The following EFCAB13 variants were observed in gnomAD, a reference collection of about 807,000 sequenced individuals.
EFCAB13 encodes EF-hand calcium binding domain 13, also known as EF-hand calcium-binding domain-containing protein 13.
A neutral mutation model predicts 110.2 loss-of-function variants in EFCAB13; 91 were observed. The observed-to-expected ratio is 0.83, with a 90% confidence interval of 0.70 to 0.98. The LOEUF (loss-of-function observed/expected upper bound fraction) is 0.98. Ranked by LOEUF, EFCAB13 falls within the 50% of genes least tolerant of loss-of-function variation. The pLI is 0.00. For missense variants in EFCAB13, 968 were observed against 1,119.4 expected, an observed-to-expected ratio of 0.86 and a Z score of 1.93; for synonymous variants, 323 against 369.9, an observed-to-expected ratio of 0.87 and a Z score of 1.45.
intron 23 of EFCAB13, among the ~76,000 whole-genome samples, chr17:47,416,438 CTTTTA>C (rs1398976811): frequency 2.0e-5 from 3 of 151,752 alleles, no homozygotes; most frequent in Non-Finnish European, 4.4e-5. Context: ...TTTTTTTCAA[CTTTTA>C]TTTTAGATTC....
At chr17:47,390,325 TACAC>T (rs111830433) in intron 14 of EFCAB13, among the ~76,000 whole-genome samples, 134 of 150,210 alleles carry the variant, frequency 8.9e-4, no homozygotes, top group South Asian at 2.1e-3. Context: ...GTTTTTTTCA[TACAC>T]ACACACACAC....
intron 14 of EFCAB13, among the ~76,000 whole-genome samples, chr17:47,380,365 A>G (rs538077332): frequency 2.1e-4 from 32 of 152,030 alleles, no homozygotes; most frequent in Non-Finnish European, 2.6e-4. Flanking sequence ...TTTGCTGAGG[A>G]TGATGGTTTC....
intron 10 of EFCAB13, among the ~76,000 whole-genome samples, chr17:47,367,222 C>T (rs2065552019): frequency 6.6e-6 from 1 of 152,198 alleles, no homozygotes; most frequent in African/African-American, 2.4e-5. Flanking sequence ...TTTTGTCTAG[C>T]ATTTCTTTGA....
At chr17:47,427,062 T>C (rs1350060245) in intron 23 of EFCAB13, among the ~76,000 whole-genome samples, 1 of 152,146 alleles carries the variant, frequency 6.6e-6, no homozygotes, top group Admixed American at 6.5e-5. Flanking sequence ...TAGTAATGCC[T>C]ATATCATATG....
At chr17:47,366,622 T>A in intron 10 of EFCAB13, among the ~76,000 whole-genome samples, 1 of 152,216 alleles carries the variant, frequency 6.6e-6, no homozygotes, top group East Asian at 1.9e-4. Context: ...AAATAAGTGA[T>A]ACCTATGACC....
At position 47,423,608 on chromosome 17, in the gene EFCAB13, C is replaced by T. The variant is rs538428033; in HGVS notation, c.2495-6210C>T. ...GGTCCTGGGAACCCGCGACGGCCGCCGCGCGCCCCGGTCCATTGTTTCGCT... is the reference window on the plus strand; with the variant it reads ...GGTCCTGGGAACCCGCGACGGCCGCTGCGCGCCCCGGTCCATTGTTTCGCT... On this transcript the variant is annotated intron_variant, in intron 23 of 24. Transcript: ENST00000331493. 5.9e-4 allele frequency: 208 copies of T among 350,324 alleles called. 1 individual carries two copies. Among genetic ancestry groups the T allele is most frequent in the Middle Eastern group, 4.6e-3 (6 of 1,304 alleles). 21.7% of individuals were successfully genotyped at this position (350,324 alleles called of 1,614,324 possible).
chr17:47,326,691 T>G (rs1598713305), intron 3 of EFCAB13, among the ~76,000 whole-genome samples: 1 of 151,334 alleles, frequency 6.6e-6, no homozygotes, highest in Non-Finnish European at 1.5e-5. Flanking sequence ...CACAGTAGTT[T>G]AGAGGTAAAT....
intron 11 of EFCAB13, 65 bp from the exon 12 acceptor site, chr17:47,374,407 T>C: frequency 7.7e-7 from 1 of 1,306,928 alleles, no homozygotes. Flanking sequence ...GACTTAGTTG[T>C]TATTTTTGAA....
chr17:47,376,131 AATAG>A (rs1333323930), intron 12 of EFCAB13, among the ~76,000 whole-genome samples: 2 of 152,220 alleles, frequency 1.3e-5, no homozygotes, highest in African/African-American at 4.8e-5. Context: ...TATTTAATGT[AATAG>A]ATAAAATGAT....
At chr17:47,409,756 C>A in intron 21 of EFCAB13, 65 bp downstream of exon 21, 1 of 1,242,886 alleles carries the variant, frequency 8.0e-7, no homozygotes, top group South Asian at 1.2e-5. Context: ...GAATAATTGC[C>A]AAGTACCAAT....
chr17:47,360,869 G>A (rs894586635), intron 9 of EFCAB13, among the ~76,000 whole-genome samples: 2 of 151,854 alleles, frequency 1.3e-5, no homozygotes, highest in African/African-American at 4.8e-5. Flanking sequence ...CCAGCAATCT[G>A]TTTAATTTTT....
At chr17:47,434,711 A>G (rs1359772036) in intron 24 of EFCAB13, among the ~76,000 whole-genome samples, 2 of 152,210 alleles carry the variant, frequency 1.3e-5, no homozygotes, top group African/African-American at 4.8e-5. Flanking sequence ...GACCAATGGG[A>G]CAGAATAGAG....
chr17:47,390,776 A>G (rs1203385891), intron 14 of EFCAB13, among the ~76,000 whole-genome samples: 1 of 152,136 alleles, frequency 6.6e-6, no homozygotes, highest in Non-Finnish European at 1.5e-5. Context: ...AAATTGTTGA[A>G]TTAAATGGAG....
In EFCAB13 at chr17:47,412,910, G is replaced by A. The variant is rs772524172; in HGVS notation, c.2416G>A (p.Val806Ile). The A allele has an allele frequency of 2.4e-5, 38 of 1,605,392 alleles. No individual in the cohort carries two copies. Among genetic ancestry groups the A allele is most frequent in the Middle Eastern group, 1.7e-4 (1 of 6,040 alleles). The change falls in exon 22 of 25, where the codon GTC (valine) becomes ATC (isoleucine). Residue 806 changes from valine (V) to isoleucine (I), a missense_variant. Coordinates refer to ENST00000331493, the MANE Select transcript of EFCAB13 (RefSeq NM_152347.5). ...CAATGAAGCCCTTAACTGTTGTAAC[G>A]TCAGTGGTGAGCATTTTTTTGGCCT... ...DFNEALNCCN[V>I]SDNMEVDLKD...
At chr17:47,419,497 G>T (rs867426870) in intron 23 of EFCAB13, among the ~76,000 whole-genome samples, 11 of 152,186 alleles carry the variant, frequency 7.2e-5, no homozygotes, top group African/African-American at 2.7e-4. Flanking sequence ...AGGATCACTT[G>T]AGCCCAGGAG....
intron 17 of EFCAB13, among the ~76,000 whole-genome samples, chr17:47,397,897 G>A (rs1030149923): frequency 6.6e-6 from 1 of 151,764 alleles, no homozygotes; most frequent in East Asian, 2.0e-4. Context: ...CCACCCAGCA[G>A]CCACCCCATC....
intron 23 of EFCAB13, among the ~76,000 whole-genome samples, chr17:47,421,255 T>G (rs567547131): frequency 0.041 from 6,258 of 152,144 alleles, 177 homozygotes; most frequent in Middle Eastern, 0.15. Context: ...CGTGTCTGTG[T>G]AGAAAGAGGT....
At chr17:47,423,860 C>G (rs1176835762) in intron 23 of EFCAB13, among the ~76,000 whole-genome samples, 1 of 152,060 alleles carries the variant, frequency 6.6e-6, no homozygotes, top group Admixed American at 6.5e-5. Context: ...AGACCTAGAC[C>G]TTTACCTGCT....
chr17:47,402,291 T>A, intron 18 of EFCAB13, 88 bp downstream of exon 18: 1 of 1,191,176 alleles, frequency 8.4e-7, no homozygotes, highest in South Asian at 1.3e-5. Flanking sequence ...TGTGTTCACC[T>A]AATTTCTGGT....
Sources: allele counts gnomAD v4.1 joint callset (sites outside exome capture counted in the v4.1 genomes callset), GRCh38; gene constraint gnomAD v4.1.1; transcripts MANE v1.5; gene names NCBI Gene and HGNC (gene_info 2026-07-23, HGNC 2026-07-21).